Variants in DAO observed in about 807,000 individuals in gnomAD.
DAO encodes D-amino acid oxidase.
A neutral mutation model predicts 50.1 loss-of-function variants in DAO; 51 were observed. That is an observed-to-expected ratio of 1.02 (90% confidence interval 0.81 to 1.29). The LOEUF (loss-of-function observed/expected upper bound fraction) is 1.29, where lower values mean the gene tolerates loss of function less well. Among genes scored for constraint, DAO ranks in the 50% most tolerant of loss-of-function variants. The pLI, the probability that DAO is intolerant of heterozygous loss-of-function variation, is 0.00. For synonymous variants in DAO, 160 were observed against 166.2 expected, an observed-to-expected ratio of 0.96 and a Z score of 0.29; for missense variants, 436 against 439.4, an observed-to-expected ratio of 0.99 and a Z score of 0.07.
In DAO at chr12:108,899,580, A is replaced by G. The variant is rs1298515451; in HGVS notation, c.912+105A>G. 7.0e-6 allele frequency: 7 copies of G among 997,736 alleles called. No individual in the cohort carries two copies. In the East Asian group the frequency reaches 1.6e-4, roughly 22 times the overall value. The allele number at this position is 997,736 out of a possible 1,614,324, so 61.8% of individuals were successfully genotyped here. A position where few individuals can be genotyped will look rare whatever the true frequency, so the allele number is the denominator to read the frequency against. ...TGATCTCAAGTTCCACACAGGCTCC[A>G]TAGCAGGCAGGGGCAGTGGTGGCTA... On this transcript the variant is annotated intron_variant, in intron 10 of 10. Transcript: ENST00000228476.
chr12:108,892,090 G>A (rs1444457369), intron 5 of DAO, among the ~76,000 whole-genome samples: 1 of 151,584 alleles, frequency 6.6e-6, no homozygotes, highest in East Asian at 1.9e-4. Context: ...AGTTCCAAGG[G>A]TATGCTTCAC....
chr12:108,899,363 A>C lies in DAO; in HGVS notation c.814-14A>C. ...AAAAATCCAGAAATGAGTGATCAGCACTTTTCTTTCCAGAATGCAAGAATT... is the reference window on the plus strand; with the variant it reads ...AAAAATCCAGAAATGAGTGATCAGCCCTTTTCTTTCCAGAATGCAAGAATT... On this transcript the variant is annotated splice_polypyrimidine_tract_variant and intron_variant, in intron 9 of 10. Transcript: ENST00000228476. 26 of 1,607,172 alleles carry C rather than the reference A, an allele frequency of 1.6e-5. No individual in the cohort carries two copies. The highest frequency in any genetic ancestry group is 2.1e-5 in the Non-Finnish European group (25 of 1,175,020).
At chr12:108,897,336 C>T (rs372787944) in intron 8 of DAO, among the ~76,000 whole-genome samples, 2 of 152,272 alleles carry the variant, frequency 1.3e-5, no homozygotes, top group East Asian at 1.9e-4. Flanking sequence ...CCTGCCTCAG[C>T]CTCCCAAGTA....
At chr12:108,898,154 G>C (rs112529104) in intron 8 of DAO, among the ~76,000 whole-genome samples, 4 of 152,264 alleles carry the variant, frequency 2.6e-5, no homozygotes, top group African/African-American at 9.6e-5. Flanking sequence ...GTTCATGGGG[G>C]TGGTGATTAG....
intron 2 of DAO, 40 bp from the exon 3 acceptor site, chr12:108,887,410 T>A: frequency 6.7e-7 from 1 of 1,500,566 alleles, no homozygotes; most frequent in Non-Finnish European, 9.3e-7. Context: ...TTTGCCCAGC[T>A]CAGGGCATTG....
chr12:108,894,277 C>T lies in DAO; in HGVS notation c.522C>T (p.Gly174=), dbSNP rs755669589. The change falls in exon 7 of 11, where the codon GGC becomes GGT. Residue 174 remains glycine (G), a synonymous_variant. Coordinates refer to ENST00000228476, the MANE Select transcript of DAO (RefSeq NM_001917.5). ...GTTGCTACCAGGTGGCAAGAGAAGG[C>T]GCAGACGTGATTGTCAACTGCACTG... is the stretch of plus-strand genomic sequence containing the variant. ...VESFEEVARE[G]ADVIVNCTGV... 2.0e-5 allele frequency: 33 copies of T among 1,613,674 alleles called. No homozygotes were observed. The highest frequency in any genetic ancestry group is 4.4e-5 in the South Asian group (4 of 91,008).
intron 8 of DAO, 143 bp downstream of exon 8, chr12:108,897,231 T>G (rs558114821): frequency 1.2e-4 from 81 of 683,700 alleles, no homozygotes; most frequent in Non-Finnish European, 2.6e-6. Flanking sequence ...ATTATTATTT[T>G]TTGAGACAGA....
At chr12:108,894,927 G>C (rs1418110888) in intron 7 of DAO, among the ~76,000 whole-genome samples, 1 of 152,072 alleles carries the variant, frequency 6.6e-6, no homozygotes, top group East Asian at 1.9e-4. Context: ...TATTGCTCAG[G>C]CTGGTCTCAA....
intron 6 of DAO, among the ~76,000 whole-genome samples, chr12:108,893,983 T>G (rs1283500641): frequency 6.6e-6 from 1 of 152,190 alleles, no homozygotes; most frequent in Non-Finnish European, 1.5e-5. Flanking sequence ...TTCAGAGTTG[T>G]GCAGGAGCCT....
intron 7 of DAO, 126 bp from the exon 8 acceptor site, chr12:108,896,880 G>T: frequency 9.2e-6 from 7 of 758,694 alleles, no homozygotes; most frequent in Non-Finnish European, 1.7e-5. Flanking sequence ...GGGCCATAGT[G>T]TCATGAGAGG....
At chr12:108,882,495 A>G (rs1448568022) in intron 1 of DAO, among the ~76,000 whole-genome samples, 1 of 152,164 alleles carries the variant, frequency 6.6e-6, no homozygotes, top group African/African-American at 2.4e-5. Flanking sequence ...CCTGGGCGAC[A>G]AGAGTGAAAC....
At chr12:108,899,333 G>GA (rs11420034) in intron 9 of DAO, 44 bp from the exon 10 acceptor site, 430,924 of 1,471,650 alleles carry the variant, frequency 0.29, 61,524 homozygotes, top group Admixed American at 0.54. Context: ...ATGGCAGCAG[G>GA]AAAAAAAAAT....
rs771304641 is a variant in DAO at position 108,885,106 on chromosome 12, G to T, written c.100G>T (p.Val34Phe). The T allele has an allele frequency of 1.2e-6, 2 of 1,614,032 alleles. No individual in the cohort carries two copies. Among genetic ancestry groups the T allele is most frequent in the South Asian group, 2.2e-5 (2 of 91,084 alleles). ...AGTCCTGCAGCCACTGGACATAAAG[G>T]TCTACGCGGACCGCTTCACCCCACT... ...HSVLQPLDIK[V>F]YADRFTPLTT... Residue 34 changes from valine to phenylalanine, a missense_variant, in exon 2 of 11, where the codon GTC (valine) becomes TTC (phenylalanine). Physicochemically the swap from Val to Phe is conservative, Grantham distance 50 (BLOSUM62 -1). Transcript: ENST00000228476.
intron 2 of DAO, 33 bp from the exon 3 acceptor site, chr12:108,887,417 A>C: frequency 6.5e-7 from 1 of 1,530,926 alleles, no homozygotes; most frequent in Non-Finnish European, 9.1e-7. Context: ...AGCTCAGGGC[A>C]TTGGGTGATC....
intron 3 of DAO, among the ~76,000 whole-genome samples, chr12:108,888,162 G>A (rs1048786507): frequency 6.6e-6 from 1 of 152,192 alleles, no homozygotes. Flanking sequence ...TGACTCCATG[G>A]TGTCCAGTGT....
At chr12:108,900,084 G>A (rs901538147) in intron 10 of DAO, 8 of 373,156 alleles carry the variant, frequency 2.1e-5, no homozygotes, top group Admixed American at 3.8e-5. Context: ...CCTATGCTTC[G>A]GATGAGGAAA....
chr12:108,895,774 T>G (rs2039547742), intron 7 of DAO, among the ~76,000 whole-genome samples: 2 of 150,920 alleles, frequency 1.3e-5, no homozygotes, highest in African/African-American at 4.9e-5. Context: ...TGTCTGAGGG[T>G]GTGTGTGTGC....
At position 108,885,290 on chromosome 12, in the gene DAO, C is replaced by T. The variant is rs112989448; in HGVS notation, c.194+90C>T. On this transcript the variant is annotated intron_variant, in intron 2 of 10. Transcript: ENST00000228476. Reference sequence around the variant, plus strand: ...GGTTCCCATCACCAAGAGCAAGCCCCTTGTGGAAGCTCTGATCTAGCATAA... The same window carrying T: ...GGTTCCCATCACCAAGAGCAAGCCCTTTGTGGAAGCTCTGATCTAGCATAA... 18 of 1,236,326 alleles carry T rather than the reference C, an allele frequency of 1.5e-5. No individual in the cohort carries two copies. In the East Asian group the frequency reaches 4.0e-4, roughly 27 times the overall value. 76.6% of individuals were successfully genotyped at this position (1,236,326 alleles called of 1,614,324 possible).
At position 108,887,523 on chromosome 12, in the gene DAO, T is replaced by A. The variant is rs146917361; in HGVS notation, c.268T>A (p.Phe90Ile). The A allele has an allele frequency of 6.2e-7, 1 of 1,613,948 alleles. No individual in the cohort carries two copies. The highest frequency in any genetic ancestry group is 1.3e-5 in the African/African-American group (1 of 74,912). Residue 90 changes from phenylalanine (F) to isoleucine (I), a missense_variant, in exon 3 of 11, where the codon TTC becomes ATC. Transcript: ENST00000228476. ...HSPNAENLGL[F>I]LISGYNLFHE... is the part of the protein sequence containing the mutation. ...TCCCAACGCTGAAAACCTGGGCCTG[T>A]TCCTAATCTCGGGCTACAACCTCTT... is the stretch of plus-strand genomic sequence containing the variant.
Sources: allele counts gnomAD v4.1 joint callset (sites outside exome capture counted in the v4.1 genomes callset), GRCh38; gene constraint gnomAD v4.1.1; transcripts MANE v1.5; gene names NCBI Gene and HGNC (gene_info 2026-07-23, HGNC 2026-07-21).